CCNG2: variants seen among roughly 807,000 people sequenced by gnomAD.
CCNG2 encodes the protein cyclin G2, also known as cyclin-G2.
Under a neutral mutation model 36.5 loss-of-function variants are expected in CCNG2, and 20 were observed. The ratio of observed to expected loss-of-function variants is 0.55; its 90% CI spans 0.39 to 0.80. The LOEUF is 0.80. CCNG2 is among the 30% of genes least tolerant of loss of function. CCNG2 has a pLI of 0.00. For missense variants in CCNG2, 358 were observed against 390.8 expected, an observed-to-expected ratio of 0.92 and a Z score of 0.71; for synonymous variants, 155 against 140.1, an observed-to-expected ratio of 1.11 and a Z score of -0.75.
rs1016707277 is a variant in CCNG2, at chr4:77,160,893, A to T, written c.449A>T (p.His150Leu). The change falls in exon 4 of 8, where the codon CAC (histidine) becomes CTC (leucine). Residue 150 changes from histidine to leucine, a missense_variant. Physicochemically the swap from His to Leu is moderately conservative, Grantham distance 99 (BLOSUM62 -3). Coordinates refer to ENST00000316355, the MANE Select transcript of CCNG2 (RefSeq NM_004354.3). ...RMEKIISEKLHYELEATTALN... is the reference protein window; with the variant it reads ...RMEKIISEKLLYELEATTALN... The stretch of plus-strand genomic sequence containing the variant: ...GAAAAAATAATTTCAGAAAAATTGC[A>T]CTATGAATTGGAAGCTACTACTGCC... The T allele has an allele frequency of 6.2e-7, 1 of 1,612,776 alleles. No individual in the cohort carries two copies. Among genetic ancestry groups the T allele is most frequent in the African/African-American group, 1.3e-5 (1 of 74,920 alleles).
In CCNG2 at chr4:77,167,482, T is replaced by G. The variant is rs1398383103; in HGVS notation, c.*1558T>G. The G allele has an allele frequency of 6.6e-6, 1 of 152,188 alleles. No individual in the cohort carries two copies. The highest frequency in any genetic ancestry group is 1.5e-5 in the Non-Finnish European group (1 of 68,038). 9.4% of individuals were successfully genotyped at this position (152,188 alleles called of 1,614,324 possible). On this transcript the variant is annotated 3_prime_UTR_variant, in exon 8 of 8. Coordinates refer to ENST00000316355, the MANE Select transcript of CCNG2 (RefSeq NM_004354.3). ...TTAATTTTCAGTGAGAGGCAACAGG[T>G]ATTAAGTAGAACAGAATGCTCAGGT...
rs1353147766 is a variant in CCNG2 at position 77,164,363 on chromosome 4, T to C, written c.795T>C (p.Leu265=). The C allele has an allele frequency of 6.2e-7, 1 of 1,613,944 alleles. No individual in the cohort carries two copies. The highest frequency in any genetic ancestry group is 2.2e-5 in the East Asian group (1 of 44,890). ...YSSPECCKPD[L]KKLVWIVSRR... is the part of the protein sequence containing the mutation. ...CTCCTGAATGTTGCAAACCAGATCT[T>C]AAGAAGTTGGTTTGGATCGTTTCAA... Residue 265 remains leucine, a synonymous_variant, in exon 7 of 8, where the codon CTT becomes CTC. Transcript: ENST00000316355.
chr4:77,157,952 G>C (rs973134237), intron 1 of CCNG2, among the ~76,000 whole-genome samples: 4 of 152,008 alleles, frequency 2.6e-5, no homozygotes, highest in Non-Finnish European at 4.4e-5. Context: ...CTCCTGGGAC[G>C]GGGGTATCCG....
At chr4:77,163,144 A>T (rs1474815609) in intron 6 of CCNG2, among the ~76,000 whole-genome samples, 1 of 152,178 alleles carries the variant, frequency 6.6e-6, no homozygotes, top group Non-Finnish European at 1.5e-5. Flanking sequence ...GGAATTTCTC[A>T]TGAAGAAGCA....
At position 77,157,520 on chromosome 4, in the gene CCNG2, C is replaced by T. The variant is rs1248221385; in HGVS notation, c.-1+14C>T. 1.3e-5 allele frequency: 2 copies of T among 152,518 alleles called. No individual in the cohort carries two copies. The highest frequency in any genetic ancestry group is 2.1e-4 in the South Asian group (1 of 4,842). The allele number at this position is 152,518 out of a possible 1,614,324, so 9.4% of individuals were successfully genotyped here. A position where few individuals can be genotyped will look rare whatever the true frequency, so the allele number is the denominator to read the frequency against. On this transcript the variant is annotated intron_variant, in intron 1 of 7. Transcript: ENST00000316355. ...GTCTCCGGCACGGTGAGTGGACCCG[C>T]CCAGGGCCGCCGTGGGTTTCTTTGT...
At chr4:77,160,535 G>C (rs549303008) in intron 3 of CCNG2, among the ~76,000 whole-genome samples, 186 bp from the exon 4 acceptor site, 17 of 148,970 alleles carry the variant, frequency 1.1e-4, no homozygotes, top group Admixed American at 2.0e-4. Flanking sequence ...TTTTTTTGGG[G>C]GGGGGGGGAG....
chr4:77,158,905 C>T (rs529555770), intron 2 of CCNG2, among the ~76,000 whole-genome samples: 6 of 152,314 alleles, frequency 3.9e-5, no homozygotes, highest in East Asian at 3.9e-4. Context: ...GCACCCTCCT[C>T]GCTGCCCCCC....
At chr4:77,161,827 A>T in intron 6 of CCNG2, 80 bp downstream of exon 6, 3 of 813,436 alleles carry the variant, frequency 3.7e-6, no homozygotes, top group African/African-American at 1.7e-5. Context: ...ACATTAAGTA[A>T]TACTTTATGG....
At chr4:77,159,582 T>C in intron 3 of CCNG2, 78 bp downstream of exon 3, 2 of 1,404,766 alleles carry the variant, frequency 1.4e-6, no homozygotes, top group Non-Finnish European at 9.8e-7. Flanking sequence ...GAAATATTTA[T>C]CGAATGGGTA....
rs979571921 is a variant in CCNG2, at chr4:77,158,723, G to C, written c.138+53G>C. The C allele has an allele frequency of 4.4e-6, 7 of 1,596,890 alleles. No homozygotes were observed. In the South Asian group the frequency reaches 5.5e-5, roughly 13 times the overall value. Reference sequence around the variant, plus strand: ...CAAGCAGCTGATGGGGCTTGGAGGAGGTAACCCCCCCGCCCCCGTTGAATC... The same window carrying C: ...CAAGCAGCTGATGGGGCTTGGAGGACGTAACCCCCCCGCCCCCGTTGAATC... On this transcript the variant is annotated intron_variant, in intron 2 of 7. Transcript: ENST00000316355.
intron 3 of CCNG2, among the ~76,000 whole-genome samples, 193 bp downstream of exon 3, chr4:77,159,697 TTG>T (rs1731375033): frequency 6.6e-6 from 1 of 152,230 alleles, no homozygotes; most frequent in Admixed American, 6.5e-5. Flanking sequence ...GGTTTTTCTG[TTG>T]TGTCTTAGGT....
chr4:77,161,099 CTTTTTTTTTTT>C (rs34505988), intron 4 of CCNG2, 128 bp downstream of exon 4: 2 of 307,822 alleles, frequency 6.5e-6, no homozygotes, highest in African/African-American at 3.1e-5. Context: ...ATTGGTAAAT[CTTTTTTTTTTT>C]TTTTTTTTGG....
chr4:77,158,047 TG>T lies in CCNG2; in HGVS notation c.1-483del, dbSNP rs1255790832. Among the ~76,000 whole-genome samples the T allele has an allele frequency of 4.0e-5, 6 of 151,848 alleles. 1 individual carries two copies. In the East Asian group the frequency reaches 9.8e-4, roughly 25 times the overall value. ...ACTCTCCGAGAGGGGCTTCTGCAGC[TG>T]GGCGCCCCGGGCGGGCGGGGCTCGG... On this transcript the variant is annotated intron_variant, in intron 1 of 7. Transcript: ENST00000316355.
At chr4:77,157,617 C>T (rs1731297483) in intron 1 of CCNG2, 111 bp downstream of exon 1, 1 of 152,704 alleles carries the variant, frequency 6.5e-6, no homozygotes, top group Admixed American at 6.5e-5. Context: ...GCTCCTCATC[C>T]GCTGGAGCGA....
At chr4:77,159,887 A>C (rs1731381328) in intron 3 of CCNG2, among the ~76,000 whole-genome samples, 1 of 152,252 alleles carries the variant, frequency 6.6e-6, no homozygotes, top group South Asian at 2.1e-4. Flanking sequence ...TTTATTAAAT[A>C]TGACCGGCTG....
Position 77,167,701 on chromosome 4 carries a change from G to A in CCNG2, c.*1777G>A, listed in dbSNP as rs1731662545. The stretch of plus-strand genomic sequence containing the variant: ...AATAGGTTCCCCATCTGTCTAGTTT[G>A]ATTTTTGTAGACCTTTGTTTTCTCT... On this transcript the variant is annotated 3_prime_UTR_variant, in exon 8 of 8. Transcript: ENST00000316355. 1 of 152,094 alleles carries A rather than the reference G, an allele frequency of 6.6e-6. No individual in the cohort carries two copies. The highest frequency in any genetic ancestry group is 2.4e-5 in the African/African-American group (1 of 41,390). 9.4% of individuals were successfully genotyped at this position (152,094 alleles called of 1,614,324 possible).
In CCNG2 at chr4:77,160,685, A is replaced by G. The variant is rs1207526650; in HGVS notation, c.277-36A>G. ...TCTAAGTATCTGCTAAGTCAAAGTG[A>G]CAGTTGTTAAAAGAAGCCTCTTGTT... On this transcript the variant is annotated intron_variant, in intron 3 of 7. Coordinates refer to ENST00000316355, the MANE Select transcript of CCNG2 (RefSeq NM_004354.3). 3.1e-6 allele frequency: 5 copies of G among 1,598,010 alleles called. No individual in the cohort carries two copies. In the African/African-American group the frequency reaches 4.1e-5, roughly 13 times the overall value.
chr4:77,158,825 T>C (rs1731346074), intron 2 of CCNG2, among the ~76,000 whole-genome samples, 155 bp downstream of exon 2: 1 of 152,238 alleles, frequency 6.6e-6, no homozygotes, highest in Non-Finnish European at 1.5e-5. Flanking sequence ...AGGTTAATGC[T>C]TTTGTTTCTT....
intron 6 of CCNG2, among the ~76,000 whole-genome samples, chr4:77,163,237 C>G (rs1031093163): frequency 3.3e-5 from 5 of 152,138 alleles, no homozygotes; most frequent in African/African-American, 1.2e-4. Context: ...GGCCTTTCCC[C>G]CCAACATTAG....
Sources: allele counts gnomAD v4.1 joint callset (sites outside exome capture counted in the v4.1 genomes callset), GRCh38; gene constraint gnomAD v4.1.1; transcripts MANE v1.5; gene names NCBI Gene and HGNC (gene_info 2026-07-23, HGNC 2026-07-21).